TRIM24: variants seen among roughly 807,000 people sequenced by gnomAD.
TRIM24 encodes tripartite motif containing 24.
In TRIM24, 29 loss-of-function variants were observed where a neutral mutation model predicts 123.9. The observed-to-expected ratio is 0.23, with a 90% confidence interval of 0.17 to 0.32. TRIM24 has a LOEUF of 0.32. Ranked by LOEUF, TRIM24 falls within the 10% of genes least tolerant of loss-of-function variation. TRIM24 has a pLI of 1.00. For missense variants in TRIM24, 932 were observed against 1,295.3 expected (o/e 0.72, Z 4.31); for synonymous variants, 456 against 461.1 (o/e 0.99, Z 0.14).
chr7:138,508,694 C>CGCGCGCGCGCGT (rs1376359515), intron 2 of TRIM24, among the ~76,000 whole-genome samples: 10 of 30,676 alleles, frequency 3.3e-4, no homozygotes, highest in Non-Finnish European at 5.9e-4. Context: ...TGTGTGTGTG[C>CGCGCGCGCGCGT]GCGCGCGTGT....
chr7:138,586,662 T>C lies in TRIM24; in HGVS notation c.*1711T>C, dbSNP rs1372218360. 2 of 152,260 alleles carry C rather than the reference T, an allele frequency of 1.3e-5. No individual in the cohort carries two copies. Among genetic ancestry groups the C allele is most frequent in the African/African-American group, 4.8e-5 (2 of 41,462 alleles). 9.4% of individuals were successfully genotyped at this position (152,260 alleles called of 1,614,324 possible). On this transcript the variant is annotated 3_prime_UTR_variant, in exon 19 of 19. Coordinates refer to ENST00000343526, the MANE Select transcript of TRIM24 (RefSeq NM_015905.3). ...TGACATTTGTTCTCCAAAGAGTGTT[T>C]GAACAGATTTTGATAACAGTGCATA... is the stretch of plus-strand genomic sequence containing the variant.
Position 138,461,134 on chromosome 7 carries a change from GCGCCGC to G in TRIM24, c.364+235_364+240del, listed in dbSNP as rs752059768. 1.6e-5 allele frequency: 11 copies of G among 694,474 alleles called. No homozygotes were observed. In the East Asian group the frequency reaches 2.6e-4, roughly 17 times the overall value. The allele number at this position is 694,474 out of a possible 1,614,324, so 43.0% of individuals were successfully genotyped here. ...TTCCCCGGGCGCTGTGGACTTGACCGCGCCGCCGCCGCCGCCGCTGCTCCGCATTCT... is the reference window on the plus strand; with the variant it reads ...TTCCCCGGGCGCTGTGGACTTGACCGCGCCGCCGCCGCTGCTCCGCATTCT... On this transcript the variant is annotated intron_variant, in intron 1 of 18. Coordinates refer to ENST00000343526, the MANE Select transcript of TRIM24 (RefSeq NM_015905.3).
intron 1 of TRIM24, among the ~76,000 whole-genome samples, chr7:138,477,626 G>A (rs1051169584): frequency 6.6e-6 from 1 of 152,110 alleles, no homozygotes; most frequent in Non-Finnish European, 1.5e-5. Flanking sequence ...ATGCTATATT[G>A]TAAGCACAAA....
Position 138,476,550 on chromosome 7 carries a change from G to A in TRIM24, c.364+15638G>A, listed in dbSNP as rs543451008. ...GGAGGTTGCAGTGAGCTGAGATCAT[G>A]CCACTGCACTCCAGCCTGGGCGACA... is the stretch of plus-strand genomic sequence containing the variant. On this transcript the variant is annotated intron_variant, in intron 1 of 18. Transcript: ENST00000343526. Among the ~76,000 whole-genome samples, 6 of 149,470 alleles carry A rather than the reference G, an allele frequency of 4.0e-5. No individual in the cohort carries two copies. The East Asian group carries it at 1.2e-3, about 30-fold the overall frequency.
chr7:138,503,856 T>G (rs1201588692), intron 1 of TRIM24, among the ~76,000 whole-genome samples: 1 of 152,228 alleles, frequency 6.6e-6, no homozygotes, highest in Non-Finnish European at 1.5e-5. Flanking sequence ...GGAAATGGTG[T>G]TTTACACTCT....
intron 9 of TRIM24, among the ~76,000 whole-genome samples, chr7:138,557,200 G>C (rs1797332197): frequency 6.6e-6 from 1 of 152,172 alleles, no homozygotes; most frequent in Non-Finnish European, 1.5e-5. Context: ...GTGTTTTCAA[G>C]GCTTTGTCAG....
rs566136485 is a variant in TRIM24 at position 138,545,989 on chromosome 7, A to G, written c.1144-5074A>G. On this transcript the variant is annotated intron_variant, in intron 7 of 18. Coordinates refer to ENST00000343526, the MANE Select transcript of TRIM24 (RefSeq NM_015905.3). ...AAAACTAAAAGTTATAGAAAGAACA[A>G]TGGGTATACAGAAGCACATTTGACC... is the stretch of plus-strand genomic sequence containing the variant. 5.3e-5 allele frequency among the ~76,000 whole-genome samples: 8 copies of G among 152,344 alleles called. No homozygotes were observed. The South Asian group carries it at 1.4e-3, about 28-fold the overall frequency.
At chr7:138,539,520 G>A (rs958984852) in intron 7 of TRIM24, among the ~76,000 whole-genome samples, 2 of 152,038 alleles carry the variant, frequency 1.3e-5, no homozygotes, top group African/African-American at 4.8e-5. Context: ...TGTGCTTTGA[G>A]TAACAAAGAT....
intron 7 of TRIM24, among the ~76,000 whole-genome samples, chr7:138,549,420 A>G (rs894091611): frequency 1.3e-5 from 2 of 152,200 alleles, no homozygotes; most frequent in Non-Finnish European, 2.9e-5. Flanking sequence ...CCCTGCCCTT[A>G]CTGGGGAGTT....
intron 7 of TRIM24, among the ~76,000 whole-genome samples, chr7:138,547,478 T>C (rs1202571868): frequency 1.3e-5 from 2 of 152,192 alleles, no homozygotes; most frequent in African/African-American, 2.4e-5. Context: ...TTTCAAAACA[T>C]GCTGTACACA....
chr7:138,577,291 A>C, intron 13 of TRIM24, 129 bp from the exon 14 acceptor site: 1 of 649,680 alleles, frequency 1.5e-6, no homozygotes. Flanking sequence ...GTTATGCATC[A>C]TTAATTGCTG....
chr7:138,525,308 A>T lies in TRIM24; in HGVS notation c.832A>T (p.Met278Leu). The T allele has an allele frequency of 6.6e-7, 1 of 1,524,970 alleles. No homozygotes were observed. The highest frequency in any genetic ancestry group is 1.4e-5 in the African/African-American group (1 of 70,590). The allele number at this position is 1,524,970 out of a possible 1,614,324, so 94.5% of individuals were successfully genotyped here. ...CATAGATACACTAATCACCAAACTG[A>T]TGGAAAAAACAAAATACATAAAATT... ...VIIDTLITKL[M>L]EKTKYIKFTG... The change falls in exon 5 of 19, where the codon ATG (methionine) becomes TTG (leucine). Residue 278 changes from methionine to leucine, a missense_variant. Met to Leu is a conservative substitution (Grantham distance 15). Transcript: ENST00000343526.
intron 6 of TRIM24, among the ~76,000 whole-genome samples, chr7:138,536,079 G>C (rs1420018270): frequency 6.6e-6 from 1 of 152,024 alleles, no homozygotes; most frequent in African/African-American, 2.4e-5. Context: ...GGTCATTTTA[G>C]GACTTCTCTA....
At chr7:138,467,968 G>C (rs1458589409) in intron 1 of TRIM24, among the ~76,000 whole-genome samples, 1 of 151,610 alleles carries the variant, frequency 6.6e-6, no homozygotes, top group Admixed American at 6.6e-5. Flanking sequence ...TTTACTTCTT[G>C]CTTTCTATTC....
chr7:138,547,291 G>C (rs968028484), intron 7 of TRIM24, among the ~76,000 whole-genome samples: 3 of 152,150 alleles, frequency 2.0e-5, no homozygotes, highest in Non-Finnish European at 2.9e-5. Context: ...ATTTCAATTA[G>C]ATAGGAGGAA....
intron 9 of TRIM24, among the ~76,000 whole-genome samples, chr7:138,563,202 C>T (rs1424882983): frequency 6.6e-6 from 1 of 152,144 alleles, no homozygotes; most frequent in Non-Finnish European, 1.5e-5. Flanking sequence ...TGTCCTTGTC[C>T]TTATATTCTT....
chr7:138,574,241 G>T (rs1330717014), intron 12 of TRIM24, among the ~76,000 whole-genome samples: 1 of 152,158 alleles, frequency 6.6e-6, no homozygotes, highest in Non-Finnish European at 1.5e-5. Context: ...TCACTCTTCT[G>T]GTGATTTGTT....
At chr7:138,580,954 A>C (rs967362101) in intron 16 of TRIM24, among the ~76,000 whole-genome samples, 3 of 152,158 alleles carry the variant, frequency 2.0e-5, no homozygotes, top group Non-Finnish European at 2.9e-5. Context: ...CTTTTAATCT[A>C]CCTTAAGTAA....
chr7:138,485,298 T>C (rs1255017944), intron 1 of TRIM24, among the ~76,000 whole-genome samples: 2 of 152,160 alleles, frequency 1.3e-5, no homozygotes, highest in Non-Finnish European at 2.9e-5. Context: ...ACATTCATAG[T>C]GTTCTGTAAC....
Sources: gnomAD v4.1 joint callset for allele counts (sites outside exome capture counted in the v4.1 genomes callset) on GRCh38, gnomAD v4.1.1 for gene constraint, MANE v1.5 for transcripts, NCBI Gene and HGNC (gene_info 2026-07-23, HGNC 2026-07-21) for gene names.